FER1L6: variants seen among roughly 807,000 people sequenced by gnomAD.
The protein encoded by FER1L6 is fer-1-like protein 6.
Under a neutral mutation model 219.2 loss-of-function variants are expected in FER1L6, and 177 were observed. The observed-to-expected ratio is 0.81, with a 90% CI of 0.71 to 0.91. FER1L6 has a LOEUF of 0.91. Among genes scored for constraint, FER1L6 ranks in the 40% least tolerant of loss-of-function variants. FER1L6 has a pLI of 0.00. For missense variants in FER1L6, 2,153 were observed against 2,259.9 expected, an observed-to-expected ratio of 0.95 and a Z score of 0.96; for synonymous variants, 768 against 824.3, an observed-to-expected ratio of 0.93 and a Z score of 1.17.
At chr8:124,096,713 A>C (rs538137938) in intron 35 of FER1L6, among the ~76,000 whole-genome samples, 25 of 152,342 alleles carry the variant, frequency 1.6e-4, no homozygotes, top group African/African-American at 5.1e-4. Flanking sequence ...TGTATAGAAC[A>C]GAATCCTGGC....
At chr8:124,054,569 T>A (rs1820197326) in intron 22 of FER1L6, among the ~76,000 whole-genome samples, 1 of 152,232 alleles carries the variant, frequency 6.6e-6, no homozygotes, top group Admixed American at 6.5e-5. Context: ...GCCTGGCTAT[T>A]AAGCTGTCCT....
At chr8:124,083,687 T>C (rs1272726000) in intron 33 of FER1L6, among the ~76,000 whole-genome samples, 2 of 152,228 alleles carry the variant, frequency 1.3e-5, no homozygotes, top group Non-Finnish European at 2.9e-5. Context: ...GTAGCATAAT[T>C]TGAAGTCAGG....
Position 124,097,359 on chromosome 8 carries a change from G to A in FER1L6, c.4784G>A (p.Gly1595Glu), listed in dbSNP as rs746343773. Reference sequence around the variant, plus strand: ...GACATCTCTCCAAGGCGACCCAAAGGGTATGTCAGCTGTAGCCCCAGCTTC... The same window carrying A: ...GACATCTCTCCAAGGCGACCCAAAGAGTATGTCAGCTGTAGCCCCAGCTTC... ...PVDISPRRPK[G>E]YELRVTIWNT... The change falls in exon 36 of 41, where the codon GGA (glycine) becomes GAA (glutamate). Residue 1595 changes from glycine (G) to glutamate (E), a missense_variant and splice_region_variant. Gly to Glu is a moderately conservative substitution (Grantham distance 98). Coordinates refer to ENST00000522917, the MANE Select transcript of FER1L6 (RefSeq NM_001039112.2). The A allele has an allele frequency of 8.1e-6, 13 of 1,608,788 alleles. No individual in the cohort carries two copies. The highest frequency in any genetic ancestry group is 1.6e-4 in the Middle Eastern group (1 of 6,072).
At chr8:124,025,742 T>C (rs773976919) in intron 18 of FER1L6, among the ~76,000 whole-genome samples, 6 of 152,212 alleles carry the variant, frequency 3.9e-5, no homozygotes, top group Non-Finnish European at 8.8e-5. Context: ...AGGAAGGGCA[T>C]TGAATCTGTT....
At chr8:123,863,709 G>A (rs1368484991) in intron 1 of FER1L6, among the ~76,000 whole-genome samples, 2 of 147,730 alleles carry the variant, frequency 1.4e-5, no homozygotes, top group South Asian at 2.1e-4. Context: ...TCTTCTTGTT[G>A]AATTGATCCC....
At position 123,904,877 on chromosome 8, in the gene FER1L6, A is replaced by G. The variant is rs543049203; in HGVS notation, c.-7-51115A>G. 2.6e-4 allele frequency among the ~76,000 whole-genome samples: 40 copies of G among 152,362 alleles called. 1 individual carries two copies. The highest frequency in any genetic ancestry group is 3.4e-3 in the Middle Eastern group (1 of 294). ...TTCAAGAGTCAGTTGTTAAACATTC[A>G]GGATATTTATGAACAAGTGGTTAAA... On this transcript the variant is annotated intron_variant, in intron 1 of 40. Coordinates refer to ENST00000522917, the MANE Select transcript of FER1L6 (RefSeq NM_001039112.2).
At chr8:123,994,823 C>T (rs1817052710) in intron 12 of FER1L6, among the ~76,000 whole-genome samples, 1 of 152,208 alleles carries the variant, frequency 6.6e-6, no homozygotes, top group Non-Finnish European at 1.5e-5. Flanking sequence ...TACAAGGTCC[C>T]CTGTGAGGTA....
chr8:123,933,402 C>G (rs4871438), intron 1 of FER1L6, among the ~76,000 whole-genome samples: 25,813 of 90,654 alleles, frequency 0.28, 2,892 homozygotes, highest in East Asian at 0.45. Context: ...GTGTGTGTGT[C>G]TGTGTGTGTG....
intron 39 of FER1L6, among the ~76,000 whole-genome samples, chr8:124,117,566 T>G (rs1040097739): frequency 6.6e-6 from 1 of 152,212 alleles, no homozygotes; most frequent in Non-Finnish European, 1.5e-5. Flanking sequence ...TACTCTGAGT[T>G]GGGCCAGAGT....
chr8:123,928,860 C>T (rs1258240426), intron 1 of FER1L6, among the ~76,000 whole-genome samples: 1 of 152,182 alleles, frequency 6.6e-6, no homozygotes, highest in Non-Finnish European at 1.5e-5. Flanking sequence ...CAGGAGTCAT[C>T]ATTTACTTAA....
At position 124,115,355 on chromosome 8, in the gene FER1L6, C is replaced by T. The variant is rs113157863; in HGVS notation, c.5290-3489C>T. ...CTGTGAAGAACGATACCCAGAGCAG[C>T]GGCATTTATCGAAGCTGTCAGTAAA... On this transcript the variant is annotated intron_variant, in intron 39 of 40. Coordinates refer to ENST00000522917, the MANE Select transcript of FER1L6 (RefSeq NM_001039112.2). 3.4e-3 allele frequency among the ~76,000 whole-genome samples: 516 copies of T among 152,106 alleles called. 3 individuals are homozygous for T. Among genetic ancestry groups the T allele is most frequent in the East Asian group, 0.01 (53 of 5,162 alleles).
At chr8:123,891,938 A>G (rs923299858) in intron 1 of FER1L6, among the ~76,000 whole-genome samples, 1 of 152,254 alleles carries the variant, frequency 6.6e-6, no homozygotes, top group Admixed American at 6.5e-5. Context: ...GAGTTTTTCT[A>G]TAAATTAATT....
At chr8:123,919,816 A>G (rs1383419756) in intron 1 of FER1L6, among the ~76,000 whole-genome samples, 1 of 152,070 alleles carries the variant, frequency 6.6e-6, no homozygotes, top group African/African-American at 2.4e-5. Flanking sequence ...TCCCCTCCAC[A>G]TCAATCACCT....
intron 1 of FER1L6, among the ~76,000 whole-genome samples, chr8:123,936,647 T>C (rs751381948): frequency 4.6e-5 from 7 of 152,094 alleles, no homozygotes; most frequent in Non-Finnish European, 8.8e-5. Context: ...AAAGTCACAC[T>C]CCAGGGGATA....
At chr8:123,876,327 T>C (rs1365333154) in intron 1 of FER1L6, among the ~76,000 whole-genome samples, 1 of 148,006 alleles carries the variant, frequency 6.8e-6, no homozygotes, top group African/African-American at 2.5e-5. Flanking sequence ...AAATGTCACT[T>C]TTTTTTTTTT....
intron 16 of FER1L6, among the ~76,000 whole-genome samples, chr8:124,020,591 G>A (rs145430955): frequency 1.6e-3 from 247 of 152,220 alleles, no homozygotes; most frequent in African/African-American, 5.4e-3. Flanking sequence ...TTTCTCATAC[G>A]ATGTCTTCTT....
chr8:123,860,216 T>C (rs1406779017), intron 1 of FER1L6, among the ~76,000 whole-genome samples: 17 of 83,662 alleles, frequency 2.0e-4, no homozygotes, highest in African/African-American at 7.5e-4. Flanking sequence ...CACCTATGAG[T>C]GAGAATATGC....
intron 1 of FER1L6, among the ~76,000 whole-genome samples, chr8:123,855,792 A>G (rs972901528): frequency 2.6e-4 from 37 of 142,668 alleles, no homozygotes; most frequent in South Asian, 6.3e-4. Context: ...GTGTGTGTAT[A>G]TATATATATA....
intron 1 of FER1L6, among the ~76,000 whole-genome samples, chr8:123,912,640 A>G (rs1225943489): frequency 2.0e-5 from 3 of 152,168 alleles, no homozygotes; most frequent in Non-Finnish European, 4.4e-5. Flanking sequence ...TACGAATGAA[A>G]AAACTGAGAC....
Sources: gnomAD v4.1 joint callset for allele counts (sites outside exome capture counted in the v4.1 genomes callset) on GRCh38, gnomAD v4.1.1 for gene constraint, MANE v1.5 for transcripts, NCBI Gene and HGNC (gene_info 2026-07-23, HGNC 2026-07-21) for gene names.